The following SLC9A9 variants were observed in gnomAD, a reference collection of about 807,000 sequenced individuals.
The protein encoded by SLC9A9 is solute carrier family 9 member A9.
SLC9A9 carries 62 observed loss-of-function variants against 77.8 expected under a neutral mutation model. That is an observed-to-expected ratio of 0.80 (90% confidence interval 0.65 to 0.98). SLC9A9 has a LOEUF of 0.98. Among genes scored for constraint, SLC9A9 ranks in the 50% least tolerant of loss-of-function variants. The pLI is 0.00. For missense variants in SLC9A9, 775 were observed against 774.9 expected, an observed-to-expected ratio of 1.00 and a Z score of 0.00; for synonymous variants, 320 against 283.5, an observed-to-expected ratio of 1.13 and a Z score of -1.29.
chr3:143,542,127 C>A (rs1448275407), intron 9 of SLC9A9, among the ~76,000 whole-genome samples: 3 of 152,160 alleles, frequency 2.0e-5, no homozygotes, highest in Non-Finnish European at 4.4e-5. Context: ...GTGGGAGCTC[C>A]ACTATCATTA....
rs1394418847 is a variant in SLC9A9, at chr3:143,448,884, A to T, written c.1469+18153T>A. On this transcript the variant is annotated intron_variant, in intron 12 of 15. Coordinates refer to ENST00000316549, the MANE Select transcript of SLC9A9 (RefSeq NM_173653.4). The stretch of plus-strand genomic sequence containing the variant: ...TAATATATTATATAATATGATATAT[A>T]TTATATATTATAATATATAATATGA... Among the ~76,000 whole-genome samples the T allele has an allele frequency of 7.9e-4, 30 of 37,788 alleles. 3 individuals carry two copies. The highest frequency in any genetic ancestry group is 1.7e-3 in the Admixed American group (3 of 1,770). 24.8% of individuals were successfully genotyped at this position (37,788 alleles called of 152,430 possible).
At chr3:143,727,328 C>T (rs1934680205) in intron 4 of SLC9A9, among the ~76,000 whole-genome samples, 1 of 151,374 alleles carries the variant, frequency 6.6e-6, no homozygotes, top group South Asian at 2.1e-4. Flanking sequence ...AAGGCAGGAG[C>T]CTTTATCCAA....
chr3:143,805,741 G>A (rs529769491), intron 2 of SLC9A9, among the ~76,000 whole-genome samples: 217 of 152,112 alleles, frequency 1.4e-3, no homozygotes, highest in African/African-American at 4.8e-3. Context: ...GCTCCTGCCT[G>A]CCAGAGAACA....
intron 12 of SLC9A9, among the ~76,000 whole-genome samples, 196 bp downstream of exon 12, chr3:143,466,841 T>G (rs1175147216): frequency 2.6e-5 from 4 of 152,214 alleles, no homozygotes. Flanking sequence ...ATCCTAGGAT[T>G]TGGAAGCCTC....
intron 2 of SLC9A9, among the ~76,000 whole-genome samples, chr3:143,804,609 T>C (rs1187704664): frequency 6.6e-6 from 1 of 152,180 alleles, no homozygotes; most frequent in Non-Finnish European, 1.5e-5. Flanking sequence ...CCTACGTGTG[T>C]CTACCTGCTA....
intron 14 of SLC9A9, among the ~76,000 whole-genome samples, chr3:143,272,487 A>AG (rs1937925990): frequency 1.3e-5 from 2 of 152,336 alleles, no homozygotes; most frequent in Admixed American, 1.3e-4. Context: ...GCCTGAATTC[A>AG]GGGGCTCTTC....
At chr3:143,396,943 G>T (rs2033744619) in intron 12 of SLC9A9, among the ~76,000 whole-genome samples, 2 of 152,154 alleles carry the variant, frequency 1.3e-5, no homozygotes, top group Non-Finnish European at 2.9e-5. Context: ...GTATAAGTAT[G>T]CTGAAAACAT....
chr3:143,811,637 G>A (rs1393150543), intron 2 of SLC9A9: 1 of 453,416 alleles, frequency 2.2e-6, no homozygotes, highest in Admixed American at 2.4e-5. Flanking sequence ...TTTGAGGCCA[G>A]GAGTTTGAGA....
intron 7 of SLC9A9, among the ~76,000 whole-genome samples, chr3:143,576,568 C>T (rs1455971389): frequency 2.0e-5 from 3 of 152,276 alleles, no homozygotes; most frequent in Non-Finnish European, 4.4e-5. Context: ...GTTACTCACT[C>T]TAAACAACAC....
intron 12 of SLC9A9, among the ~76,000 whole-genome samples, chr3:143,415,481 G>A (rs892039891): frequency 2.6e-5 from 4 of 152,172 alleles, no homozygotes; most frequent in African/African-American, 4.8e-5. Flanking sequence ...GCCATTAAGA[G>A]TTATGCTAAA....
intron 9 of SLC9A9, among the ~76,000 whole-genome samples, chr3:143,532,314 C>G (rs1410321600): frequency 6.6e-6 from 1 of 152,148 alleles, no homozygotes; most frequent in African/African-American, 2.4e-5. Flanking sequence ...GTGTAGAGAG[C>G]TGGTTCCAGC....
At chr3:143,550,627 C>T (rs2036864580) in intron 9 of SLC9A9, among the ~76,000 whole-genome samples, 1 of 152,052 alleles carries the variant, frequency 6.6e-6, no homozygotes, top group Non-Finnish European at 1.5e-5. Context: ...AGAATAGAGC[C>T]CCCCAAAAAT....
At position 143,266,629 on chromosome 3, in the gene SLC9A9, C is replaced by A. The variant is rs1435932692; in HGVS notation, c.*73G>T. The A allele has an allele frequency of 1.4e-6, 2 of 1,472,508 alleles. No homozygotes were observed. Among genetic ancestry groups the A allele is most frequent in the East Asian group, 4.5e-5 (2 of 44,020 alleles). 91.2% of individuals were successfully genotyped at this position (1,472,508 alleles called of 1,614,324 possible). On this transcript the variant is annotated 3_prime_UTR_variant, in exon 16 of 16. Coordinates refer to ENST00000316549, the MANE Select transcript of SLC9A9 (RefSeq NM_173653.4). The stretch of plus-strand genomic sequence containing the variant: ...GTTTTCCAGCCTCTCCCCTGTACTG[C>A]CTCATCAGCTTGGCTTGTATTCCTC...
rs573816545 is a variant in SLC9A9, at chr3:143,603,964, G to T, written c.756-25241C>A. On this transcript the variant is annotated intron_variant, in intron 6 of 15. Coordinates refer to ENST00000316549, the MANE Select transcript of SLC9A9 (RefSeq NM_173653.4). Reference sequence around the variant, plus strand: ...TTGTAAGACTATAATCAAGAACATTGTCTATGACGTCACTTCATGCTTTAT... The same window carrying T: ...TTGTAAGACTATAATCAAGAACATTTTCTATGACGTCACTTCATGCTTTAT... 3.3e-5 allele frequency among the ~76,000 whole-genome samples: 5 copies of T among 152,276 alleles called. No homozygotes were observed. The East Asian group carries it at 9.6e-4, about 29-fold the overall frequency.
At chr3:143,730,983 C>G (rs1315831216) in intron 4 of SLC9A9, among the ~76,000 whole-genome samples, 1 of 152,162 alleles carries the variant, frequency 6.6e-6, no homozygotes, top group African/African-American at 2.4e-5. Context: ...CAGACTGATG[C>G]CTTTGTGGTC....
chr3:143,736,943 C>T (rs1934955457), intron 4 of SLC9A9, among the ~76,000 whole-genome samples: 1 of 152,188 alleles, frequency 6.6e-6, no homozygotes, highest in African/African-American at 2.4e-5. Context: ...TTATTTCCCA[C>T]TTTCTCTGAC....
chr3:143,447,810 C>A (rs2034872565), intron 12 of SLC9A9, among the ~76,000 whole-genome samples: 1 of 152,130 alleles, frequency 6.6e-6, no homozygotes, highest in African/African-American at 2.4e-5. Context: ...AGAACACGTG[C>A]TTGTATCGAC....
At chr3:143,440,495 A>G (rs1205275962) in intron 12 of SLC9A9, among the ~76,000 whole-genome samples, 1 of 152,220 alleles carries the variant, frequency 6.6e-6, no homozygotes, top group Non-Finnish European at 1.5e-5. Flanking sequence ...CCATGACTTC[A>G]CAAGGCAGAG....
At chr3:143,416,337 C>G (rs995566799) in intron 12 of SLC9A9, among the ~76,000 whole-genome samples, 1 of 152,128 alleles carries the variant, frequency 6.6e-6, no homozygotes, top group Non-Finnish European at 1.5e-5. Flanking sequence ...TTCTATCAAG[C>G]AGCACTGCAC....
Sources: gnomAD v4.1 joint callset for allele counts (sites outside exome capture counted in the v4.1 genomes callset) on GRCh38, gnomAD v4.1.1 for gene constraint, MANE v1.5 for transcripts, NCBI Gene and HGNC (gene_info 2026-07-23, HGNC 2026-07-21) for gene names.